Variants in SDK1 observed in about 807,000 individuals in gnomAD.
SDK1 encodes the protein sidekick cell adhesion molecule 1.
Under a neutral mutation model 245.5 loss-of-function variants are expected in SDK1, and 157 were observed. The ratio of observed to expected loss-of-function variants is 0.64; its 90% CI spans 0.56 to 0.73. SDK1 has a LOEUF of 0.73. Ranked by LOEUF, SDK1 falls within the 30% of genes least tolerant of loss-of-function variation. The probability of loss-of-function intolerance (pLI) is 0.00; values close to 1 mark genes in which losing one functional copy is unlikely to be tolerated. For missense variants in SDK1, 3,583 were observed against 3,002.3 expected (o/e 1.19, Z -4.52); for synonymous variants, 1,647 against 1,278.5 (o/e 1.29, Z -6.15).
chr7:4,050,892 G>T (rs1307879990), intron 18 of SDK1, among the ~76,000 whole-genome samples: 1 of 139,128 alleles, frequency 7.2e-6, no homozygotes. Flanking sequence ...ATACCATATA[G>T]TATATATTAT....
chr7:4,155,109 A>G (rs1780641154), intron 30 of SDK1, among the ~76,000 whole-genome samples: 2 of 151,758 alleles, frequency 1.3e-5, no homozygotes, highest in African/African-American at 4.8e-5. Flanking sequence ...AGGGGTTGAT[A>G]GCACTGCCCT....
intron 4 of SDK1, among the ~76,000 whole-genome samples, chr7:3,709,879 G>A (rs1342733523): frequency 1.3e-5 from 2 of 152,132 alleles, no homozygotes; most frequent in Admixed American, 6.5e-5. Context: ...CCCACACAGG[G>A]GTCCTGGCCC....
chr7:3,639,880 A>C (rs571461522), intron 3 of SDK1, among the ~76,000 whole-genome samples: 1 of 152,022 alleles, frequency 6.6e-6, no homozygotes, highest in South Asian at 2.1e-4. Flanking sequence ...GATAGGGTCT[A>C]TCTCTGTCTC....
intron 2 of SDK1, among the ~76,000 whole-genome samples, chr7:3,619,853 A>G (rs748383228): frequency 6.6e-6 from 1 of 152,246 alleles, no homozygotes; most frequent in Non-Finnish European, 1.5e-5. Flanking sequence ...GTGGCAGAGC[A>G]CAAGATCAGG....
rs571950007 is a variant in SDK1 at position 3,647,084 on chromosome 7, G to A, written c.713+4979G>A. ...AATGCCACTAACTATACTTAAAAGT[G>A]GTTAAAATAATTAATCTTAGGCCAC... On this transcript the variant is annotated intron_variant, in intron 4 of 44. Transcript: ENST00000404826. 2.6e-5 allele frequency among the ~76,000 whole-genome samples: 4 copies of A among 152,248 alleles called. No homozygotes were observed. In the South Asian group the frequency reaches 8.3e-4, roughly 32 times the overall value.
chr7:4,016,936 G>A (rs895569329), intron 16 of SDK1, among the ~76,000 whole-genome samples: 11 of 152,126 alleles, frequency 7.2e-5, no homozygotes, highest in Non-Finnish European at 1.0e-4. Context: ...TTTCTTAACC[G>A]TTATGTAGTT....
At chr7:4,030,885 G>T (rs1289801245) in intron 17 of SDK1, among the ~76,000 whole-genome samples, 1 of 152,152 alleles carries the variant, frequency 6.6e-6, no homozygotes, top group South Asian at 2.1e-4. Flanking sequence ...CTATTACACA[G>T]AAGTGTAAAT....
intron 1 of SDK1, among the ~76,000 whole-genome samples, chr7:3,352,034 C>A (rs993379911): frequency 6.6e-5 from 10 of 151,266 alleles, no homozygotes; most frequent in Admixed American, 3.3e-4. Context: ...ATTTTTCTTA[C>A]GGAATTATAG....
chr7:3,828,862 A>G lies in SDK1; in HGVS notation c.847+7279A>G, dbSNP rs374782122. 3.3e-5 allele frequency among the ~76,000 whole-genome samples: 5 copies of G among 151,786 alleles called. No homozygotes were observed. The South Asian group carries it at 6.3e-4, about 19-fold the overall frequency. On this transcript the variant is annotated intron_variant, in intron 5 of 44. Transcript: ENST00000404826. ...TTTGTAGAGACAGTCTGGCTATGTT[A>G]CCCAGGCTGGTCTCAAACTTCTGGC... is the stretch of plus-strand genomic sequence containing the variant.
intron 34 of SDK1, among the ~76,000 whole-genome samples, chr7:4,176,887 C>A (rs536764401): frequency 6.6e-6 from 1 of 152,222 alleles, no homozygotes; most frequent in Non-Finnish European, 1.5e-5. Flanking sequence ...CCTCCCTTCA[C>A]CCTTTCAATA....
chr7:3,337,618 A>T (rs1335601283), intron 1 of SDK1, among the ~76,000 whole-genome samples: 1 of 152,250 alleles, frequency 6.6e-6, no homozygotes. Context: ...TGCAAGGCAG[A>T]TACAGGAAAG....
intron 14 of SDK1, among the ~76,000 whole-genome samples, chr7:4,010,707 C>T (rs1445010836): frequency 2.0e-5 from 3 of 152,148 alleles, no homozygotes; most frequent in African/African-American, 7.2e-5. Flanking sequence ...CCTTTTAAAC[C>T]GCCGTATGCA....
chr7:3,920,759 G>A (rs115958945), intron 5 of SDK1, among the ~76,000 whole-genome samples: 1 of 152,024 alleles, frequency 6.6e-6, no homozygotes, highest in Non-Finnish European at 1.5e-5. Context: ...TGCAGAGGGG[G>A]AGCAGTGAGA....
chr7:3,671,307 C>T (rs1010129366), intron 4 of SDK1, among the ~76,000 whole-genome samples: 5 of 152,300 alleles, frequency 3.3e-5, no homozygotes, highest in South Asian at 2.1e-4. Context: ...AGAATTCCAT[C>T]GGCCTCTACA....
chr7:4,153,403 T>G (rs10231053), intron 30 of SDK1, among the ~76,000 whole-genome samples: 88,036 of 151,872 alleles, frequency 0.58, 25,610 homozygotes, highest in East Asian at 0.78. Context: ...CTGGCCGATA[T>G]GGTGAAACCC....
intron 1 of SDK1, among the ~76,000 whole-genome samples, chr7:3,539,517 G>T (rs1778992576): frequency 6.6e-6 from 1 of 152,188 alleles, no homozygotes; most frequent in Admixed American, 6.5e-5. Flanking sequence ...CGCCTTGAAA[G>T]TCCACTATCA....
At chr7:4,071,506 G>A (rs1435951135) in intron 20 of SDK1, among the ~76,000 whole-genome samples, 1 of 152,174 alleles carries the variant, frequency 6.6e-6, no homozygotes, top group Non-Finnish European at 1.5e-5. Flanking sequence ...TGCTGAGTGT[G>A]TACAATTAAA....
At chr7:3,825,688 G>C (rs886980453) in intron 5 of SDK1, among the ~76,000 whole-genome samples, 2 of 152,158 alleles carry the variant, frequency 1.3e-5, no homozygotes, top group Non-Finnish European at 2.9e-5. Flanking sequence ...GACTCACGTA[G>C]GGTTAGTAGT....
intron 11 of SDK1, 27 bp downstream of exon 11, chr7:3,969,451 C>T: frequency 6.7e-7 from 1 of 1,494,104 alleles, no homozygotes; most frequent in Non-Finnish European, 9.0e-7. Context: ...GCACGTCGGC[C>T]TTCTGTTAGC....
Sources: allele counts gnomAD v4.1 joint callset (sites outside exome capture counted in the v4.1 genomes callset), GRCh38; gene constraint gnomAD v4.1.1; transcripts MANE v1.5; gene names NCBI Gene and HGNC (gene_info 2026-07-23, HGNC 2026-07-21).